Variants in ERC2 observed in about 807,000 individuals in gnomAD.
The protein encoded by ERC2 is ERC protein 2.
A neutral mutation model predicts 114.8 loss-of-function variants in ERC2; 42 were observed. The ratio of observed to expected loss-of-function variants is 0.37; its 90% CI spans 0.29 to 0.47. The LOEUF is 0.47. Ranked by LOEUF, ERC2 falls within the 20% of genes least tolerant of loss-of-function variation. The pLI is 0.99. For synonymous variants in ERC2, 454 were observed against 425.5 expected (o/e 1.07, Z -0.82); for missense variants, 939 against 1,150.7 (o/e 0.82, Z 2.66).
At chr3:56,010,992 C>T (rs1308022541) in intron 8 of ERC2, among the ~76,000 whole-genome samples, 3 of 152,220 alleles carry the variant, frequency 2.0e-5, no homozygotes, top group African/African-American at 7.2e-5. Context: ...GCCCTCTTTG[C>T]TTAGCCTCTC....
chr3:55,839,679 TA>T (rs2149212221), intron 14 of ERC2, among the ~76,000 whole-genome samples: 2 of 151,606 alleles, frequency 1.3e-5, no homozygotes, highest in African/African-American at 4.8e-5. Flanking sequence ...ACCACCAAAA[TA>T]ACAAAACAAA....
At chr3:56,230,810 T>C (rs1345219847) in intron 3 of ERC2, among the ~76,000 whole-genome samples, 1 of 152,220 alleles carries the variant, frequency 6.6e-6, no homozygotes, top group Non-Finnish European at 1.5e-5. Context: ...GAAAACAGTA[T>C]AAATGGCATT....
intron 14 of ERC2, among the ~76,000 whole-genome samples, chr3:55,758,574 A>G (rs951470339): frequency 6.6e-6 from 1 of 152,178 alleles, no homozygotes; most frequent in Non-Finnish European, 1.5e-5. Flanking sequence ...GCCTGTCCCC[A>G]TTTGACAACT....
At chr3:55,684,324 A>G (rs1367688559) in intron 16 of ERC2, among the ~76,000 whole-genome samples, 1 of 148,192 alleles carries the variant, frequency 6.7e-6, no homozygotes, top group Non-Finnish European at 1.5e-5. Context: ...ACACACACGC[A>G]CACACACACA....
At chr3:55,589,245 G>C (rs1225953408) in intron 17 of ERC2, among the ~76,000 whole-genome samples, 1 of 149,796 alleles carries the variant, frequency 6.7e-6, no homozygotes, top group Non-Finnish European at 1.5e-5. Flanking sequence ...GAGAGAGAGA[G>C]AAGGAGGTAA....
At chr3:55,806,631 A>G (rs1158908810) in intron 14 of ERC2, among the ~76,000 whole-genome samples, 4 of 152,182 alleles carry the variant, frequency 2.6e-5, no homozygotes, top group Non-Finnish European at 5.9e-5. Flanking sequence ...CTGGCATCCA[A>G]TGGGCAGAGG....
chr3:56,007,588 C>CTAATG (rs2072598269), intron 9 of ERC2, among the ~76,000 whole-genome samples: 1 of 152,006 alleles, frequency 6.6e-6, no homozygotes, highest in African/African-American at 2.4e-5. Context: ...CAAAGTCATG[C>CTAATG]TAATGATGTA....
intron 1 of ERC2, among the ~76,000 whole-genome samples, chr3:56,446,740 C>A (rs1253866613): frequency 6.6e-6 from 1 of 151,066 alleles, no homozygotes; most frequent in African/African-American, 2.4e-5. Flanking sequence ...ATTCTCCTGC[C>A]TCAGCCTCCC....
At chr3:56,177,597 T>C (rs2083050360) in intron 3 of ERC2, among the ~76,000 whole-genome samples, 1 of 152,160 alleles carries the variant, frequency 6.6e-6, no homozygotes, top group East Asian at 1.9e-4. Context: ...GTGTGCACCA[T>C]GTCAGCTGGT....
intron 17 of ERC2, among the ~76,000 whole-genome samples, chr3:55,605,286 T>C (rs1456972695): frequency 6.6e-6 from 1 of 152,018 alleles, no homozygotes. Flanking sequence ...TAGCCAATTA[T>C]TTTATTCTTT....
At chr3:55,698,205 C>T (rs1025102991) in intron 16 of ERC2, among the ~76,000 whole-genome samples, 1 of 151,836 alleles carries the variant, frequency 6.6e-6, no homozygotes, top group African/African-American at 2.4e-5. Context: ...GTTGGGGTCT[C>T]GGAGGGCAAA....
chr3:56,214,514 T>A lies in ERC2; in HGVS notation c.1075-40994A>T, dbSNP rs2049314766. On this transcript the variant is annotated intron_variant, in intron 3 of 17. Transcript: ENST00000288221. ...TATGTGAAAAGACCAAATCTACATC[T>A]GATTGGTGTACCTGAAAGTGACGGG... Among the ~76,000 whole-genome samples the A allele has an allele frequency of 2.0e-5, 3 of 152,100 alleles. No individual in the cohort carries two copies. In the South Asian group the frequency reaches 6.2e-4, roughly 32 times the overall value.
At chr3:56,340,713 C>G (rs1202079015) in intron 2 of ERC2, among the ~76,000 whole-genome samples, 1 of 152,082 alleles carries the variant, frequency 6.6e-6, no homozygotes, top group Non-Finnish European at 1.5e-5. Context: ...TGAGGACAAC[C>G]AAGGAAACTT....
At chr3:56,068,453 T>C (rs1180351094) in intron 7 of ERC2, among the ~76,000 whole-genome samples, 6 of 151,978 alleles carry the variant, frequency 3.9e-5, no homozygotes. Flanking sequence ...GTCTAGCTAG[T>C]GGTCCATTTT....
At chr3:56,439,954 G>T (rs2062211628) in intron 1 of ERC2, among the ~76,000 whole-genome samples, 1 of 152,032 alleles carries the variant, frequency 6.6e-6, no homozygotes, top group Non-Finnish European at 1.5e-5. Flanking sequence ...TGTCAAAGTG[G>T]ATAGAAATTT....
intron 17 of ERC2, among the ~76,000 whole-genome samples, chr3:55,595,802 T>G (rs1287544414): frequency 6.6e-6 from 1 of 152,182 alleles, no homozygotes; most frequent in African/African-American, 2.4e-5. Context: ...CGCCATGTTA[T>G]CTATAAACCA....
intron 15 of ERC2, among the ~76,000 whole-genome samples, chr3:55,704,752 C>T (rs815439): frequency 3.3e-5 from 5 of 151,962 alleles, no homozygotes; most frequent in South Asian, 4.1e-4. Context: ...AGGAATGTGC[C>T]GCATTGGGGA....
At chr3:56,329,701 C>T (rs940930287) in intron 2 of ERC2, among the ~76,000 whole-genome samples, 2 of 152,098 alleles carry the variant, frequency 1.3e-5, no homozygotes, top group African/African-American at 4.8e-5. Context: ...GAGACCTAAT[C>T]ACAGGAACAA....
At chr3:56,043,081 C>T (rs912155746) in intron 7 of ERC2, among the ~76,000 whole-genome samples, 1 of 151,980 alleles carries the variant, frequency 6.6e-6, no homozygotes, top group Non-Finnish European at 1.5e-5. Context: ...GATGGCAGAG[C>T]GGCCAAGAGG....
Sources: gnomAD v4.1 joint callset for allele counts (sites outside exome capture counted in the v4.1 genomes callset) on GRCh38, gnomAD v4.1.1 for gene constraint, MANE v1.5 for transcripts, NCBI Gene and HGNC (gene_info 2026-07-23, HGNC 2026-07-21) for gene names.